TRPM7: variants seen among roughly 807,000 people sequenced by gnomAD.
TRPM7 encodes the protein LTRPC ion channel family member 7.
In TRPM7, 134 loss-of-function variants were observed where a neutral mutation model predicts 229.7. That is an observed-to-expected ratio of 0.58 (90% CI 0.51 to 0.67). The LOEUF (loss-of-function observed/expected upper bound fraction) is 0.67. TRPM7 is among the 30% of genes least tolerant of loss of function. TRPM7 has a pLI of 0.00. For synonymous variants in TRPM7, 699 were observed against 715.2 expected (o/e 0.98, Z 0.36); for missense variants, 1,901 against 2,210.0 (o/e 0.86, Z 2.80).
intron 31 of TRPM7, among the ~76,000 whole-genome samples, chr15:50,577,080 C>A (rs1332401664): frequency 6.6e-6 from 1 of 151,672 alleles, no homozygotes; most frequent in Admixed American, 6.6e-5. Context: ...CCACTGCACT[C>A]CAACCTGGTG....
chr15:50,561,869 A>T, intron 38 of TRPM7, 61 bp from the exon 39 acceptor site: 2 of 1,421,180 alleles, frequency 1.4e-6, no homozygotes, highest in Non-Finnish European at 1.9e-6. Flanking sequence ...AAAAGTTAGT[A>T]TTTCTTAGAA....
intron 1 of TRPM7, among the ~76,000 whole-genome samples, chr15:50,684,125 T>C (rs2062303675): frequency 6.6e-6 from 1 of 151,522 alleles, no homozygotes; most frequent in East Asian, 1.9e-4. Context: ...TCCCAAAGTA[T>C]GGGGATTACT....
chr15:50,661,561 T>C (rs1319881998), intron 2 of TRPM7, among the ~76,000 whole-genome samples: 1 of 147,264 alleles, frequency 6.8e-6, no homozygotes, highest in Non-Finnish European at 1.5e-5. Flanking sequence ...TTTAAAATGT[T>C]AAAATAAAGA....
At chr15:50,636,364 T>C (rs940928079) in intron 7 of TRPM7, among the ~76,000 whole-genome samples, 1 of 152,064 alleles carries the variant, frequency 6.6e-6, no homozygotes, top group Non-Finnish European at 1.5e-5. Context: ...CTAATTTTTG[T>C]ATTTTTAGGA....
At chr15:50,573,374 A>G (rs2053980218) in intron 36 of TRPM7, among the ~76,000 whole-genome samples, 1 of 152,234 alleles carries the variant, frequency 6.6e-6, no homozygotes, top group South Asian at 2.1e-4. Context: ...CAAGCTAGCT[A>G]GCCATGTAGA....
At position 50,561,656 on chromosome 15, in the gene TRPM7, C is replaced by A; in HGVS notation, c.*22G>T. On this transcript the variant is annotated 3_prime_UTR_variant, in exon 39 of 39. Transcript: ENST00000646667. ...CATTTCTGTGAGGTGCAGGCAAAAC[C>A]AATGATTCAGTAATATTAATATTAT... 6.2e-7 allele frequency: 1 copy of A among 1,600,058 alleles called. No homozygotes were observed. Among genetic ancestry groups the A allele is most frequent in the Non-Finnish European group, 8.5e-7 (1 of 1,176,594 alleles).
chr15:50,601,409 C>T (rs1318093253), intron 21 of TRPM7, among the ~76,000 whole-genome samples: 14 of 151,970 alleles, frequency 9.2e-5, no homozygotes, highest in African/African-American at 2.7e-4. Flanking sequence ...TTTGGGAGGC[C>T]GAGGCAGGCG....
At chr15:50,606,071 T>C (rs891157878) in intron 20 of TRPM7, among the ~76,000 whole-genome samples, 8 of 152,340 alleles carry the variant, frequency 5.3e-5, no homozygotes, top group African/African-American at 9.6e-5. Flanking sequence ...GAGGTACTTA[T>C]GCAAGTATGT....
At chr15:50,654,557 T>C (rs577658600) in intron 3 of TRPM7, among the ~76,000 whole-genome samples, 1 of 151,602 alleles carries the variant, frequency 6.6e-6, no homozygotes, top group South Asian at 2.1e-4. Context: ...AAGACTCTAA[T>C]GCAGGTATTA....
chr15:50,580,924 A>ACC lies in TRPM7; in HGVS notation c.4558-17_4558-16insGG. 1 of 1,570,808 alleles carries ACC rather than the reference A, an allele frequency of 6.4e-7. No homozygotes were observed. Among genetic ancestry groups the ACC allele is most frequent in the South Asian group, 1.2e-5 (1 of 83,212 alleles). On this transcript the variant is annotated splice_polypyrimidine_tract_variant and intron_variant, in intron 29 of 38. Transcript: ENST00000646667. ...GTAACCAATCCTTCAGTAAAAAAAA[A>ACC]ACACACACACACAAAAACCTTAAAG...
chr15:50,650,905 T>C (rs1165887272), intron 3 of TRPM7, among the ~76,000 whole-genome samples: 1 of 152,274 alleles, frequency 6.6e-6, no homozygotes, highest in Non-Finnish European at 1.5e-5. Context: ...TTCCCAGACA[T>C]TGGCCGGGCG....
At chr15:50,577,404 G>A (rs3131573) in intron 31 of TRPM7, among the ~76,000 whole-genome samples, 53,071 of 151,820 alleles carry the variant, frequency 0.35, 10,467 homozygotes, top group Admixed American at 0.48. Context: ...GAAATTAGCC[G>A]GATGTGGTGG....
At chr15:50,619,420 G>A (rs569162502) in intron 13 of TRPM7, among the ~76,000 whole-genome samples, 3 of 151,896 alleles carry the variant, frequency 2.0e-5, no homozygotes, top group African/African-American at 7.2e-5. Context: ...TGGGATTTCA[G>A]CATGCTGCCC....
At chr15:50,576,120 T>C (rs545824476) in intron 31 of TRPM7, among the ~76,000 whole-genome samples, 31 of 152,374 alleles carry the variant, frequency 2.0e-4, no homozygotes, top group Admixed American at 1.8e-3. Context: ...GCTGTGCATT[T>C]AGACACCTAC....
At chr15:50,594,315 T>C (rs1018107722) in intron 24 of TRPM7, 114 bp downstream of exon 24, 1 of 988,018 alleles carries the variant, frequency 1.0e-6, no homozygotes, top group Non-Finnish European at 1.5e-6. Context: ...TTAACAAAAA[T>C]CTACCATAAC....
intron 24 of TRPM7, among the ~76,000 whole-genome samples, chr15:50,594,005 A>G (rs1596132139): frequency 6.6e-6 from 1 of 152,084 alleles, no homozygotes; most frequent in African/African-American, 2.4e-5. Flanking sequence ...TCCCTCCGCT[A>G]TCTCTCTCAT....
chr15:50,631,447 C>A lies in TRPM7; in HGVS notation c.1174G>T (p.Asp392Tyr), dbSNP rs767417126. 6.2e-7 allele frequency: 1 copy of A among 1,610,616 alleles called. No individual in the cohort carries two copies. The highest frequency in any genetic ancestry group is 1.7e-5 in the Admixed American group (1 of 59,858). The change falls in exon 10 of 39, where the codon GAT becomes TAT. Residue 392 changes from aspartate (D) to tyrosine (Y), a missense_variant. Around this residue, in one of 8 missense-constraint regions of TRPM7, gnomAD observed 794 missense variants for 881.9 expected, o/e 0.90. Transcript: ENST00000646667. ...AGCAGTGCAGTAAGTATTGCTACAT[C>A]TATATCTTGATGTTCATCTGACCCA... ...HIGSDEHQDI[D>Y]VAILTALLKG... is the part of the protein sequence containing the mutation.
intron 28 of TRPM7, among the ~76,000 whole-genome samples, chr15:50,584,916 C>A (rs1448501590): frequency 6.6e-6 from 1 of 152,056 alleles, no homozygotes; most frequent in African/African-American, 2.4e-5. Flanking sequence ...ATTCCCATTG[C>A]ACAGGCTGGA....
intron 5 of TRPM7, among the ~76,000 whole-genome samples, chr15:50,641,833 C>A (rs1239530193): frequency 3.3e-5 from 5 of 151,996 alleles, no homozygotes; most frequent in African/African-American, 1.2e-4. Context: ...AACCCCATCT[C>A]TAGTAAAAAT....
Sources: gnomAD v4.1 joint callset for allele counts (sites outside exome capture counted in the v4.1 genomes callset) on GRCh38, gnomAD v4.1.1 for gene constraint, gnomAD v4.1.1 regional missense constraint, MANE v1.5 for transcripts, NCBI Gene and HGNC (gene_info 2026-07-23, HGNC 2026-07-21) for gene names.